The following SHANK2 variants were observed in gnomAD, a reference collection of about 807,000 sequenced individuals.
SHANK2 encodes SH3 and multiple ankyrin repeat domains protein 2.
In SHANK2, 43 loss-of-function variants were observed where a neutral mutation model predicts 133.7. The ratio of observed to expected loss-of-function variants is 0.32; its 90% CI spans 0.25 to 0.41. The LOEUF is 0.41. SHANK2 is among the 10% of genes least tolerant of loss of function. The pLI is 1.00. For missense variants in SHANK2, 1,994 were observed against 2,235.8 expected (o/e 0.89, Z 2.18); for synonymous variants, 1,017 against 952.8 (o/e 1.07, Z -1.24).
At chr11:70,953,267 A>T (rs1241367775) in intron 10 of SHANK2, among the ~76,000 whole-genome samples, 1 of 152,072 alleles carries the variant, frequency 6.6e-6, no homozygotes, top group Non-Finnish European at 1.5e-5. Context: ...GTATTAAATC[A>T]GGGATCTCCA....
At chr11:70,935,082 T>A (rs1555083232) in intron 10 of SHANK2, among the ~76,000 whole-genome samples, 2 of 152,082 alleles carry the variant, frequency 1.3e-5, no homozygotes, top group African/African-American at 4.8e-5. Flanking sequence ...TCCGAAAATA[T>A]GAAACAAAAA....
chr11:70,569,630 T>A lies in SHANK2; in HGVS notation c.2062-66699A>T, dbSNP rs764375620. 3.3e-5 allele frequency among the ~76,000 whole-genome samples: 5 copies of A among 151,520 alleles called. No homozygotes were observed. Among genetic ancestry groups the A allele is most frequent in the Admixed American group, 6.6e-5 (1 of 15,230 alleles). On this transcript the variant is annotated intron_variant, in intron 17 of 25. Transcript: ENST00000601538. The surrounding 1 kb of genome is among the most constrained non-coding windows in gnomAD (Gnocchi z 5.1). ...TTAGGACAGCCCTCGGGCTCAGGAGTGCCCAGTGACCCAGTCCTGGCCAAT... is the reference window on the plus strand; with the variant it reads ...TTAGGACAGCCCTCGGGCTCAGGAGAGCCCAGTGACCCAGTCCTGGCCAAT...
intron 11 of SHANK2, among the ~76,000 whole-genome samples, chr11:70,886,865 C>A (rs1555073630): frequency 1.3e-5 from 2 of 152,164 alleles, no homozygotes; most frequent in South Asian, 2.1e-4. Flanking sequence ...GCTAATCAGG[C>A]ACCCAAACTC....
intron 10 of SHANK2, among the ~76,000 whole-genome samples, chr11:70,949,864 G>C (rs1482939438): frequency 6.6e-6 from 1 of 152,236 alleles, no homozygotes; most frequent in African/African-American, 2.4e-5. Context: ...GCGTCTTAGT[G>C]AGTCGGGGCC....
intron 2 of SHANK2, among the ~76,000 whole-genome samples, chr11:71,219,270 T>C (rs1954486299): frequency 6.6e-6 from 1 of 152,206 alleles, no homozygotes; most frequent in South Asian, 2.1e-4. Flanking sequence ...GATTCAACTC[T>C]GCCACACACA....
intron 17 of SHANK2, among the ~76,000 whole-genome samples, chr11:70,588,062 A>G (rs181100478): frequency 9.2e-5 from 14 of 152,304 alleles, no homozygotes; most frequent in African/African-American, 3.4e-4. Flanking sequence ...CTGTACCCAT[A>G]TAAGACAGAG....
chr11:71,159,725 C>T (rs776962425), intron 2 of SHANK2, among the ~76,000 whole-genome samples: 3 of 152,058 alleles, frequency 2.0e-5, no homozygotes, highest in Non-Finnish European at 2.9e-5. Context: ...GGCTCATGCC[C>T]GTAATCCCAA....
intron 2 of SHANK2, among the ~76,000 whole-genome samples, chr11:71,210,240 A>G (rs1210353999): frequency 5.8e-5 from 5 of 85,746 alleles, no homozygotes; most frequent in Admixed American, 5.0e-4. Context: ...ATATATATAT[A>G]TATATATATA....
chr11:71,220,884 C>A (rs1370064398), intron 2 of SHANK2, among the ~76,000 whole-genome samples: 2 of 152,126 alleles, frequency 1.3e-5, no homozygotes, highest in Admixed American at 1.3e-4. Context: ...GTGCTTAATG[C>A]CACTGAATGG....
In SHANK2 at chr11:71,094,559, G is replaced by A. The variant is rs749039621; in HGVS notation, c.722C>T (p.Ala241Val). ...GMTALHKAAR[A>V]RNQVALKTLL... ...TACCTTCAGGGCAACTTGGTTCCTC[G>A]CTCGGGCAGCTTTGTGTAGGGCGGT... is the stretch of plus-strand genomic sequence containing the variant. The change falls in exon 7 of 26, where the codon GCG becomes GTG. Residue 241 changes from alanine (A) to valine (V), a missense_variant. By Grantham distance (64) the Ala-to-Val change is moderately conservative. Coordinates refer to ENST00000601538, the MANE Select transcript of SHANK2 (RefSeq NM_012309.5). 46 of 1,551,108 alleles carry A rather than the reference G, an allele frequency of 3.0e-5. No individual in the cohort carries two copies. Among genetic ancestry groups the A allele is most frequent in the South Asian group, 3.6e-5 (3 of 84,016 alleles).
At chr11:70,862,120 C>G (rs1555067922) in intron 11 of SHANK2, among the ~76,000 whole-genome samples, 1 of 152,226 alleles carries the variant, frequency 6.6e-6, no homozygotes, top group African/African-American at 2.4e-5. Flanking sequence ...GCGGCTGTCT[C>G]TGTTTCAGCT....
intron 2 of SHANK2, among the ~76,000 whole-genome samples, chr11:71,184,659 T>C (rs572514807): frequency 8.5e-4 from 130 of 152,326 alleles, no homozygotes; most frequent in African/African-American, 3.0e-3. Context: ...TACTGACCCA[T>C]GGGCAGCTGC....
In SHANK2 at chr11:70,471,556, C is replaced by T. The variant is rs186226106; in HGVS notation, c.*1313G>A. On this transcript the variant is annotated 3_prime_UTR_variant, in exon 26 of 26. Coordinates refer to ENST00000601538, the MANE Select transcript of SHANK2 (RefSeq NM_012309.5). The surrounding 1 kb of genome is among the most constrained non-coding windows in gnomAD (Gnocchi z 4.1). ...AGACCTCCCTGCTTTCCTCTCCTCA[C>T]GCCTCTGCTTTCACTCTGATCCTGC... 1,351 of 396,900 alleles carry T rather than the reference C, an allele frequency of 3.4e-3. 5 individuals are homozygous for T. The highest frequency in any genetic ancestry group is 4.8e-3 in the Admixed American group (109 of 22,692). 24.6% of individuals were successfully genotyped at this position (396,900 alleles called of 1,614,324 possible). A position where few individuals can be genotyped will look rare whatever the true frequency, so the allele number is the denominator to read the frequency against.
chr11:71,087,158 C>T (rs1053199372), intron 8 of SHANK2, among the ~76,000 whole-genome samples: 4 of 152,150 alleles, frequency 2.6e-5, no homozygotes, highest in African/African-American at 9.7e-5. Context: ...GAATGCAAAG[C>T]GCAGGGCCTC....
At chr11:70,938,547 CAAAG>C (rs1555083816) in intron 10 of SHANK2, among the ~76,000 whole-genome samples, 3 of 152,120 alleles carry the variant, frequency 2.0e-5, no homozygotes, top group African/African-American at 7.2e-5. Context: ...AAGATTTAGC[CAAAG>C]AAACAGTATT....
At chr11:71,189,849 C>A (rs2135576045) in intron 2 of SHANK2, among the ~76,000 whole-genome samples, 1 of 152,374 alleles carries the variant, frequency 6.6e-6, no homozygotes, top group East Asian at 1.9e-4. Flanking sequence ...AAGGCCGCAG[C>A]TGAGGCCTGG....
At chr11:70,497,542 G>GTGTGT (rs2058989119) in intron 21 of SHANK2, among the ~76,000 whole-genome samples, 1 of 152,210 alleles carries the variant, frequency 6.6e-6, no homozygotes, top group Non-Finnish European at 1.5e-5. Flanking sequence ...CTGAGCAAAC[G>GTGTGT]TGTGTTCTCT....
Position 70,739,771 on chromosome 11 carries a change from G to A in SHANK2, c.1778-41008C>T, listed in dbSNP as rs969248087. Among the ~76,000 whole-genome samples, 7 of 152,224 alleles carry A rather than the reference G, an allele frequency of 4.6e-5. No homozygotes were observed. The highest frequency in any genetic ancestry group is 1.7e-4 in the African/African-American group (7 of 41,454). On this transcript the variant is annotated intron_variant, in intron 14 of 25. Transcript: ENST00000601538. The surrounding 1 kb of genome is among the most constrained non-coding windows in gnomAD (Gnocchi z 4.3). The stretch of plus-strand genomic sequence containing the variant: ...TAAAGAGGTGATTAAGTTAAAACGA[G>A]GTACTGTGATGGGCCCTCATCCAGC...
At chr11:71,207,585 T>C (rs1467781819) in intron 2 of SHANK2, among the ~76,000 whole-genome samples, 1 of 152,218 alleles carries the variant, frequency 6.6e-6, no homozygotes, top group Non-Finnish European at 1.5e-5. Context: ...TCCCTTCTTC[T>C]TTCCAAGAAA....
Sources: gnomAD v4.1 joint callset for allele counts (sites outside exome capture counted in the v4.1 genomes callset) on GRCh38, gnomAD v4.1.1 for gene constraint, Gnocchi (gnomAD v3.1) non-coding constraint, MANE v1.5 for transcripts, NCBI Gene and HGNC (gene_info 2026-07-23, HGNC 2026-07-21) for gene names.